The following RIMBP2 variants were observed in gnomAD, a reference collection of about 807,000 sequenced individuals.
RIMBP2 encodes RIMS-binding protein 2.
Under a neutral mutation model 118.6 loss-of-function variants are expected in RIMBP2, and 48 were observed. The ratio of observed to expected loss-of-function variants is 0.40; its 90% CI spans 0.32 to 0.51. The LOEUF (loss-of-function observed/expected upper bound fraction) is 0.51. RIMBP2 is among the 20% of genes least tolerant of loss of function. RIMBP2 has a pLI of 0.41. For synonymous variants in RIMBP2, 762 were observed against 742.9 expected (o/e 1.03, Z -0.42); for missense variants, 1,551 against 1,768.3 (o/e 0.88, Z 2.20).
At chr12:130,532,164 T>C (rs1369157043) in intron 2 of RIMBP2, among the ~76,000 whole-genome samples, 6 of 144,500 alleles carry the variant, frequency 4.2e-5, no homozygotes, top group African/African-American at 7.6e-5. Context: ...TGCGTGTGTT[T>C]AGCCTCTAGG....
At chr12:130,689,985 T>G (rs1047182830) in intron 1 of RIMBP2, among the ~76,000 whole-genome samples, 2 of 152,184 alleles carry the variant, frequency 1.3e-5, no homozygotes, top group African/African-American at 4.8e-5. Flanking sequence ...GCACTCAGGC[T>G]GTGGGAGTTA....
At chr12:130,481,278 TGAAA>T (rs1226539097) in intron 4 of RIMBP2, among the ~76,000 whole-genome samples, 1 of 152,192 alleles carries the variant, frequency 6.6e-6, no homozygotes, top group African/African-American at 2.4e-5. Context: ...TTGCTGCCTC[TGAAA>T]GCTCCTTTCT....
In RIMBP2 at chr12:130,420,560, A is replaced by G. The variant is rs901519314; in HGVS notation, c.3238+1893T>C. Among the ~76,000 whole-genome samples the G allele has an allele frequency of 1.3e-5, 2 of 152,194 alleles. No homozygotes were observed. The highest frequency in any genetic ancestry group is 4.8e-5 in the African/African-American group (2 of 41,438). ...GGGAAGGGTTTTTATGATACTAATA[A>G]AACTTTAAAGCTTCTCACTGCTGAT... On this transcript the variant is annotated intron_variant, in intron 17 of 22. Coordinates refer to ENST00000690449, the MANE Select transcript of RIMBP2 (RefSeq NM_001393629.1). The surrounding 1 kb of genome is among the most constrained non-coding windows in gnomAD (Gnocchi z 4.3).
In RIMBP2 at chr12:130,422,723, G is replaced by A. The variant is rs988943699; in HGVS notation, c.3130-162C>T. ...GAATGGCCTGGGAGAGAACAAAGCC[G>A]GGCACCAGCACCCCACTGTCTACTC... is the stretch of plus-strand genomic sequence containing the variant. On this transcript the variant is annotated intron_variant, in intron 16 of 22. Coordinates refer to ENST00000690449, the MANE Select transcript of RIMBP2 (RefSeq NM_001393629.1). This position sits in a 1 kb window ranked among gnomAD's most constrained non-coding sequence, Gnocchi z 5.2. Among the ~76,000 whole-genome samples the A allele has an allele frequency of 2.0e-5, 3 of 152,158 alleles. No homozygotes were observed. The highest frequency in any genetic ancestry group is 2.9e-5 in the Non-Finnish European group (2 of 68,026).
rs115043584 is a variant in RIMBP2, at chr12:130,466,760, G to A, written c.153+3933C>T. Among the ~76,000 whole-genome samples, 376 of 152,298 alleles carry A rather than the reference G, an allele frequency of 2.5e-3. 2 individuals are homozygous for A. Among genetic ancestry groups the A allele is most frequent in the African/African-American group, 8.4e-3 (348 of 41,560 alleles). On this transcript the variant is annotated intron_variant, in intron 6 of 22. Coordinates refer to ENST00000690449, the MANE Select transcript of RIMBP2 (RefSeq NM_001393629.1). ...TTCACCCAGGCAATGTAAATTGATC[G>A]TTTATCTTCACAGGGATGGGACAAA... is the stretch of plus-strand genomic sequence containing the variant.
intron 19 of RIMBP2, among the ~76,000 whole-genome samples, chr12:130,411,033 T>C (rs1437083600): frequency 2.0e-5 from 3 of 152,246 alleles, no homozygotes; most frequent in Admixed American, 6.5e-5. Context: ...CAGTGTTTTC[T>C]GATTTTCGGC....
In RIMBP2 at chr12:130,396,995, G is replaced by A. The variant is rs1197894126; in HGVS notation, c.*366C>T. 1 of 160,694 alleles carries A rather than the reference G, an allele frequency of 6.2e-6. No individual in the cohort carries two copies. Among genetic ancestry groups the A allele is most frequent in the Non-Finnish European group, 1.4e-5 (1 of 73,888 alleles). 10.0% of individuals were successfully genotyped at this position (160,694 alleles called of 1,614,324 possible). On this transcript the variant is annotated 3_prime_UTR_variant, in exon 23 of 23. Coordinates refer to ENST00000690449, the MANE Select transcript of RIMBP2 (RefSeq NM_001393629.1). ...TTATGCATTATGAGGCAAGCATTTTGAGAAGGGAGAAAGGTTGAAAATCAT... is the reference window on the plus strand; with the variant it reads ...TTATGCATTATGAGGCAAGCATTTTAAGAAGGGAGAAAGGTTGAAAATCAT...
chr12:130,539,314 A>G (rs1241802618), intron 2 of RIMBP2, among the ~76,000 whole-genome samples: 2 of 152,230 alleles, frequency 1.3e-5, no homozygotes, highest in African/African-American at 4.8e-5. Flanking sequence ...TGTAAAGAAC[A>G]GTGTCAGTGA....
intron 1 of RIMBP2, among the ~76,000 whole-genome samples, chr12:130,707,789 A>AAG (rs1324917692): frequency 6.6e-6 from 1 of 152,102 alleles, no homozygotes; most frequent in African/African-American, 2.4e-5. Context: ...CCCGAGCAAG[A>AAG]AGAGCTCAGA....
intron 4 of RIMBP2, among the ~76,000 whole-genome samples, chr12:130,481,208 A>AGGTGGG (rs1209030060): frequency 4.6e-5 from 7 of 151,734 alleles, no homozygotes; most frequent in African/African-American, 9.7e-5. Flanking sequence ...AGGAGGAGGC[A>AGGTGGG]GACAGGCTGA....
chr12:130,537,600 A>G (rs894849612), intron 2 of RIMBP2, among the ~76,000 whole-genome samples: 1 of 152,210 alleles, frequency 6.6e-6, no homozygotes, highest in African/African-American at 2.4e-5. Flanking sequence ...TAACCAGCCT[A>G]TGCGAAAGAT....
At chr12:130,572,916 G>A (rs2057793611) in intron 2 of RIMBP2, among the ~76,000 whole-genome samples, 1 of 152,176 alleles carries the variant, frequency 6.6e-6, no homozygotes. Context: ...TGTGGGAGCT[G>A]TGAGGAGGGA....
intron 4 of RIMBP2, among the ~76,000 whole-genome samples, chr12:130,502,492 T>A (rs1199224277): frequency 6.6e-6 from 1 of 151,858 alleles, no homozygotes; most frequent in African/African-American, 2.4e-5. Context: ...CATCCATACA[T>A]CCCAGGCCCT....
rs369194337 is a variant in RIMBP2 at position 130,600,753 on chromosome 12, T to C, written c.-217+27569A>G. 1.2e-3 allele frequency among the ~76,000 whole-genome samples: 180 copies of C among 152,314 alleles called. 1 individual carries two copies. Among genetic ancestry groups the C allele is most frequent in the African/African-American group, 4.0e-3 (166 of 41,562 alleles). Reference sequence around the variant, plus strand: ...CCCTCACCCTAAAACCAATATGTACTCTTAGTCTGTAAGACAGAATGCTCC... The same window carrying C: ...CCCTCACCCTAAAACCAATATGTACCCTTAGTCTGTAAGACAGAATGCTCC... On this transcript the variant is annotated intron_variant, in intron 2 of 22. Coordinates refer to ENST00000690449, the MANE Select transcript of RIMBP2 (RefSeq NM_001393629.1).
chr12:130,531,085 A>C (rs2053322541), intron 2 of RIMBP2, among the ~76,000 whole-genome samples: 1 of 152,210 alleles, frequency 6.6e-6, no homozygotes, highest in South Asian at 2.1e-4. Flanking sequence ...CTTAGTTTAG[A>C]TCCAAATCTA....
intron 2 of RIMBP2, among the ~76,000 whole-genome samples, chr12:130,599,125 C>A (rs1041722084): frequency 3.9e-5 from 6 of 152,230 alleles, no homozygotes; most frequent in African/African-American, 1.2e-4. Flanking sequence ...ACATCCTTCA[C>A]ATCATATGCA....
intron 1 of RIMBP2, among the ~76,000 whole-genome samples, chr12:130,646,130 T>C (rs12832167): frequency 2.0e-4 from 5 of 24,412 alleles, no homozygotes; most frequent in African/African-American, 1.6e-4. Flanking sequence ...CACCTGCCTC[T>C]CCACCTCCCT....
chr12:130,648,588 A>T (rs1187059291), intron 1 of RIMBP2, among the ~76,000 whole-genome samples: 1 of 145,346 alleles, frequency 6.9e-6, no homozygotes, highest in African/African-American at 2.5e-5. Flanking sequence ...GTGCTTTAAA[A>T]TTTTTTCTAC....
chr12:130,397,264 A>G lies in RIMBP2; in HGVS notation c.*97T>C, dbSNP rs1277588316. ...ATTTCTCTACTGGTGTCAGGGGAGA[A>G]GATTGGGTTTTTTTAGGAAGTACTT... On this transcript the variant is annotated 3_prime_UTR_variant, in exon 23 of 23. Transcript: ENST00000690449. The G allele has an allele frequency of 7.6e-6, 3 of 395,986 alleles. No homozygotes were observed. The highest frequency in any genetic ancestry group is 1.3e-5 in the Non-Finnish European group (3 of 224,756). 24.5% of individuals were successfully genotyped at this position (395,986 alleles called of 1,614,324 possible). A position where few individuals can be genotyped will look rare whatever the true frequency, so the allele number is the denominator to read the frequency against.
Sources: allele counts gnomAD v4.1 joint callset (sites outside exome capture counted in the v4.1 genomes callset), GRCh38; gene constraint gnomAD v4.1.1; non-coding constraint Gnocchi (gnomAD v3.1); transcripts MANE v1.5; gene names NCBI Gene and HGNC (gene_info 2026-07-23, HGNC 2026-07-21).